The following MET variants were observed in gnomAD, a reference collection of about 807,000 sequenced individuals.
The protein encoded by MET is hepatocyte growth factor receptor.
Under a neutral mutation model 133.1 loss-of-function variants are expected in MET, and 48 were observed. That is an observed-to-expected ratio of 0.36 (90% confidence interval 0.29 to 0.46). The LOEUF is 0.46. Among genes scored for constraint, MET ranks in the 20% least tolerant of loss-of-function variants. MET has a pLI of 1.00. For missense variants in MET, 1,442 were observed against 1,695.9 expected (o/e 0.85, Z 2.63); for synonymous variants, 628 against 616.5 (o/e 1.02, Z -0.28).
intron 1 of MET, among the ~76,000 whole-genome samples, chr7:116,681,964 A>C (rs1027540070): frequency 2.6e-5 from 4 of 152,230 alleles, no homozygotes; most frequent in African/African-American, 7.2e-5. Flanking sequence ...CTCCTAACAT[A>C]AATGAATATG....
At chr7:116,737,134 A>G (rs1416153919) in intron 3 of MET, among the ~76,000 whole-genome samples, 2 of 152,188 alleles carry the variant, frequency 1.3e-5, no homozygotes, top group African/African-American at 2.4e-5. Context: ...AAAATTCCAA[A>G]TGGCATTCTC....
In MET at chr7:116,746,497, A is replaced by G. The variant is rs189840637; in HGVS notation, c.1701+5472A>G. On this transcript the variant is annotated intron_variant, in intron 5 of 20. Coordinates refer to ENST00000397752, the MANE Select transcript of MET (RefSeq NM_000245.4). ...CATGCACATGTATGTTTATTGCAGC[A>G]CTATTCAGAATAGCAAAGACTTGGA... Among the ~76,000 whole-genome samples the G allele has an allele frequency of 1.6e-3, 247 of 152,374 alleles. 1 individual carries two copies. The highest frequency in any genetic ancestry group is 2.3e-3 in the Non-Finnish European group (158 of 68,034).
rs149645111 is a variant in MET at position 116,787,593 on chromosome 7, C to T, written c.3798+4124C>T. Among the ~76,000 whole-genome samples the T allele has an allele frequency of 7.6e-3, 1,164 of 152,224 alleles. 19 individuals carry two copies. Among genetic ancestry groups the T allele is most frequent in the African/African-American group, 0.026 (1,074 of 41,524 alleles). ...ACAAACCCCCTTCCACAATAATGAA[C>T]TGACTCCCAAGATAATGACATTAAT... On this transcript the variant is annotated intron_variant, in intron 19 of 20. Coordinates refer to ENST00000397752, the MANE Select transcript of MET (RefSeq NM_000245.4).
chr7:116,777,511 T>C, intron 16 of MET, 42 bp downstream of exon 16: 5 of 1,559,488 alleles, frequency 3.2e-6, no homozygotes, highest in Non-Finnish European at 4.4e-6. Flanking sequence ...ACTTTTGTGG[T>C]TTGCAACCTA....
intron 1 of MET, among the ~76,000 whole-genome samples, chr7:116,695,987 C>T (rs946360554): frequency 6.6e-6 from 1 of 152,108 alleles, no homozygotes; most frequent in African/African-American, 2.4e-5. Flanking sequence ...ATTCTCCTGC[C>T]TCAGCCTCCC....
rs768986107 is a variant in MET at position 116,783,490 on chromosome 7, G to A, written c.3798+21G>A. On this transcript the variant is annotated intron_variant, in intron 19 of 20. Coordinates refer to ENST00000397752, the MANE Select transcript of MET (RefSeq NM_000245.4). ...ATGTGGTAATGTATTGGTTATCTCTGAGTTTCTCCTCTTTTACTTTCATAT... is the reference window on the plus strand; with the variant it reads ...ATGTGGTAATGTATTGGTTATCTCTAAGTTTCTCCTCTTTTACTTTCATAT... 3 of 1,613,658 alleles carry A rather than the reference G, an allele frequency of 1.9e-6. No homozygotes were observed. The East Asian group carries it at 6.7e-5, about 36-fold the overall frequency.
intron 1 of MET, chr7:116,695,693 A>AT: frequency 2.3e-6 from 1 of 434,312 alleles, no homozygotes; most frequent in South Asian, 1.8e-5. Flanking sequence ...TAACTGTGTG[A>AT]TTTTAGCAAG....
At chr7:116,785,519 T>C (rs1311768807) in intron 19 of MET, among the ~76,000 whole-genome samples, 1 of 152,212 alleles carries the variant, frequency 6.6e-6, no homozygotes, top group Non-Finnish European at 1.5e-5. Context: ...CGTAGAATTC[T>C]ATCACGAGAA....
At chr7:116,763,431 A>G (rs775684515) in intron 11 of MET, 163 bp downstream of exon 11, 3 of 698,992 alleles carry the variant, frequency 4.3e-6, no homozygotes, top group Non-Finnish European at 7.5e-6. Context: ...CTAAAAGATA[A>G]GAATAACCGT....
At chr7:116,696,762 C>T (rs1796980737) in intron 1 of MET, among the ~76,000 whole-genome samples, 2 of 152,172 alleles carry the variant, frequency 1.3e-5, no homozygotes, top group African/African-American at 4.8e-5. Flanking sequence ...TATTTCTAGT[C>T]GGAGTGGAGT....
chr7:116,791,610 G>C (rs922563967), intron 19 of MET, among the ~76,000 whole-genome samples: 1 of 151,848 alleles, frequency 6.6e-6, no homozygotes, highest in Non-Finnish European at 1.5e-5. Flanking sequence ...TGAATTGTTC[G>C]AGTTCTCTGT....
intron 19 of MET, among the ~76,000 whole-genome samples, chr7:116,792,445 CT>C (rs1417953926): frequency 3.8e-5 from 5 of 131,672 alleles, no homozygotes; most frequent in African/African-American, 1.4e-4. Context: ...CCGACCCCCC[CT>C]CAACCGACAG....
rs577605241 is a variant in MET at position 116,796,550 on chromosome 7, T to G, written c.*426T>G. The G allele has an allele frequency of 3.0e-6, 1 of 329,684 alleles. No homozygotes were observed. The highest frequency in any genetic ancestry group is 5.7e-6 in the Non-Finnish European group (1 of 176,960). 20.4% of individuals were successfully genotyped at this position (329,684 alleles called of 1,614,324 possible). Reference sequence around the variant, plus strand: ...GCCACTCATTTAGAATTCTAGTGTTTCAAAACACTTTTGTGTGTTGTATGG... The same window carrying G: ...GCCACTCATTTAGAATTCTAGTGTTGCAAAACACTTTTGTGTGTTGTATGG... On this transcript the variant is annotated 3_prime_UTR_variant, in exon 21 of 21. Coordinates refer to ENST00000397752, the MANE Select transcript of MET (RefSeq NM_000245.4).
intron 2 of MET, 80 bp downstream of exon 2, chr7:116,700,364 G>A (rs1426940620): frequency 1.4e-6 from 2 of 1,467,406 alleles, no homozygotes; most frequent in Admixed American, 2.3e-5. Flanking sequence ...GAATATCCAG[G>A]GCTTCTTTTG....
chr7:116,715,259 C>T (rs1264899368), intron 2 of MET, among the ~76,000 whole-genome samples: 2 of 152,200 alleles, frequency 1.3e-5, no homozygotes, highest in Non-Finnish European at 2.9e-5. Context: ...GTTCTGGAGG[C>T]CAGATGTCTG....
At chr7:116,677,797 C>T (rs1796212165) in intron 1 of MET, among the ~76,000 whole-genome samples, 1 of 152,264 alleles carries the variant, frequency 6.6e-6, no homozygotes, top group East Asian at 1.9e-4. Context: ...CTCATCAGCC[C>T]ACATACTTTA....
In MET at chr7:116,757,742, T is replaced by C. The variant is rs759396158; in HGVS notation, c.2070T>C (p.Ile690=). The change falls in exon 8 of 21, where the codon ATT becomes ATC. Residue 690 remains isoleucine, a synonymous_variant. Transcript: ENST00000397752. ...NYLNSGNSRH[I]SIGGKTCTLK... ...TAAACAGTGGGAATTCTAGACACAT[T>C]TCAATTGGTGGAAAAACATGTACTT... 3 of 1,613,952 alleles carry C rather than the reference T, an allele frequency of 1.9e-6. No homozygotes were observed. In the Admixed American group the frequency reaches 5.0e-5, roughly 27 times the overall value.
intron 5 of MET, among the ~76,000 whole-genome samples, chr7:116,749,862 G>C (rs1273868095): frequency 6.6e-6 from 1 of 152,130 alleles, no homozygotes; most frequent in Non-Finnish European, 1.5e-5. Context: ...ATTCACAATT[G>C]CTACAAAGAG....
Position 116,771,764 on chromosome 7 carries a change from C to T in MET, c.2888-85C>T, listed in dbSNP as rs35307741. The T allele has an allele frequency of 0.011, 17,318 of 1,609,888 alleles. 125 individuals carry two copies. The highest frequency in any genetic ancestry group is 0.013 in the Non-Finnish European group (14,789 of 1,176,904). On this transcript the variant is annotated intron_variant, in intron 13 of 20. Coordinates refer to ENST00000397752, the MANE Select transcript of MET (RefSeq NM_000245.4). ...CTGTCTTATATGTAGTCCATAAAAC[C>T]CATGAGTTCTGGGCACTGGGTCAAA... is the stretch of plus-strand genomic sequence containing the variant.
Sources: allele counts gnomAD v4.1 joint callset (sites outside exome capture counted in the v4.1 genomes callset), GRCh38; gene constraint gnomAD v4.1.1; transcripts MANE v1.5; gene names NCBI Gene and HGNC (gene_info 2026-07-23, HGNC 2026-07-21).